The following PITPNM1 variants were observed in gnomAD, a reference collection of about 807,000 sequenced individuals.
PITPNM1 encodes the protein membrane-associated phosphatidylinositol transfer protein 1.
A neutral mutation model predicts 133.3 loss-of-function variants in PITPNM1; 74 were observed. The ratio of observed to expected loss-of-function variants is 0.56; its 90% CI spans 0.46 to 0.67. The LOEUF (loss-of-function observed/expected upper bound fraction) is 0.67, where lower values mean the gene tolerates loss of function less well. PITPNM1 is among the 30% of genes least tolerant of loss of function. PITPNM1 has a pLI of 0.00. For missense variants in PITPNM1, 1,398 were observed against 1,739.5 expected, an observed-to-expected ratio of 0.80 and a Z score of 3.49; for synonymous variants, 738 against 741.4, an observed-to-expected ratio of 1.00 and a Z score of 0.08.
chr11:67,493,961 G>A lies in PITPNM1; in HGVS notation c.2969C>T (p.Ala990Val), dbSNP rs764838275. 23 of 1,609,190 alleles carry A rather than the reference G, an allele frequency of 1.4e-5. No individual in the cohort carries two copies. In the South Asian group the frequency reaches 2.2e-4, roughly 15 times the overall value. ...RLTFPVPPER[A>V]LGIGVYPVRM... ...CACGGGGTAGACACCAATGCCCAGCGCGCGTTCTGGGGGAACTGGGAAGGT... is the reference window on the plus strand; with the variant it reads ...CACGGGGTAGACACCAATGCCCAGCACGCGTTCTGGGGGAACTGGGAAGGT... Residue 990 changes from alanine to valine, a missense_variant, in exon 20 of 24, where the codon GCG becomes GTG. This residue lies in a region of PITPNM1 where 233 missense variants were observed against 378.0 expected (regional missense o/e 0.62). Coordinates refer to ENST00000356404, the MANE Select transcript of PITPNM1 (RefSeq NM_004910.3).
chr11:67,495,751 C>A, intron 15 of PITPNM1, 149 bp from the exon 16 acceptor site: 1 of 768,294 alleles, frequency 1.3e-6, no homozygotes, highest in Non-Finnish European at 2.0e-6. Context: ...TCCTCTCAGC[C>A]CAGTGGCCAG....
chr11:67,500,072 C>A (rs886126993), intron 6 of PITPNM1, 23 bp downstream of exon 6: 3 of 1,601,462 alleles, frequency 1.9e-6, no homozygotes, highest in Non-Finnish European at 1.7e-6. Context: ...GCCGTTCCTC[C>A]CATCCCTGTG....
Position 67,502,776 on chromosome 11 carries a change from C to T in PITPNM1, c.79-58G>A. ...CAGCCCCAGCTTAGCATCTGGGATCCCCAGCTCAGCCTGGTGTTCTACACA... is the reference window on the plus strand; with the variant it reads ...CAGCCCCAGCTTAGCATCTGGGATCTCCAGCTCAGCCTGGTGTTCTACACA... On this transcript the variant is annotated intron_variant, in intron 2 of 23. Transcript: ENST00000356404. The surrounding 1 kb of genome is among the most constrained non-coding windows in gnomAD (Gnocchi z 5.9). 6.5e-7 allele frequency: 1 copy of T among 1,539,924 alleles called. No homozygotes were observed. The highest frequency in any genetic ancestry group is 8.9e-7 in the Non-Finnish European group (1 of 1,119,162).
intron 2 of PITPNM1, chr11:67,503,898 C>G: frequency 2.0e-6 from 1 of 494,614 alleles, no homozygotes; most frequent in Non-Finnish European, 3.6e-6. Flanking sequence ...TACAGGAGAT[C>G]AGAGGAGGGC....
At chr11:67,497,141 C>T in intron 14 of PITPNM1, 90 bp downstream of exon 14, 5 of 1,109,072 alleles carry the variant, frequency 4.5e-6, no homozygotes, top group East Asian at 2.6e-5. Context: ...GGAAGTTGCT[C>T]ATGCCTCGGA....
Position 67,497,579 on chromosome 11 carries a change from G to A in PITPNM1, c.1883C>T (p.Pro628Leu). 1 of 1,608,272 alleles carries A rather than the reference G, an allele frequency of 6.2e-7. No individual in the cohort carries two copies. The change falls in exon 13 of 24, where the codon CCT (proline) becomes CTT (leucine). Residue 628 changes from proline to leucine, a missense_variant. Transcript: ENST00000356404. ...CATGTCGCTGGGGATGCGCTGGGGAGGCAAGGCCGAGGGTTCTGGGCTGCC... is the reference window on the plus strand; with the variant it reads ...CATGTCGCTGGGGATGCGCTGGGGAAGCAAGGCCGAGGGTTCTGGGCTGCC... Reference protein sequence around the residue: ...GRGSPEPSALPPQRIPSDMAS... With the variant: ...GRGSPEPSALLPQRIPSDMAS...
At position 67,497,354 on chromosome 11, in the gene PITPNM1, C is replaced by G. The variant is rs562660609; in HGVS notation, c.2023G>C (p.Glu675Gln). Residue 675 changes from glutamate to glutamine, a missense_variant, in exon 14 of 24, where the codon GAG becomes CAG. Physicochemically the swap from Glu to Gln is conservative, Grantham distance 29 (BLOSUM62 2). Transcript: ENST00000356404. ...GTGCTGCTGGGGCCGTCAGGTGCCTCGGAACTGGCAGCGGGTGGGCAGAAG... is the reference window on the plus strand; with the variant it reads ...GTGCTGCTGGGGCCGTCAGGTGCCTGGGAACTGGCAGCGGGTGGGCAGAAG... ...TAFCPPAASS[E>Q]APDGPSSTAR... is the part of the protein sequence containing the mutation. 77 of 1,606,150 alleles carry G rather than the reference C, an allele frequency of 4.8e-5. No individual in the cohort carries two copies. In the South Asian group the frequency reaches 8.5e-4, roughly 18 times the overall value.
intron 16 of PITPNM1, 67 bp from the exon 17 acceptor site, chr11:67,495,292 G>T: frequency 6.6e-7 from 1 of 1,504,644 alleles, no homozygotes; most frequent in Non-Finnish European, 8.9e-7. Flanking sequence ...GGCGCTGGGT[G>T]CTCTTCCCTC....
chr11:67,506,219 G>A (rs1866511173), upstream of PITPNM1: 2 of 163,120 alleles, frequency 1.2e-5, no homozygotes, highest in Admixed American at 6.4e-5. Flanking sequence ...CGCCAATCCA[G>A]AGGAAGCGCC....
At chr11:67,495,300 C>A in intron 16 of PITPNM1, 75 bp from the exon 17 acceptor site, 2 of 1,493,246 alleles carry the variant, frequency 1.3e-6, no homozygotes, top group East Asian at 4.8e-5. Context: ...GTGCTCTTCC[C>A]TCCCCCCTTT....
Position 67,504,414 on chromosome 11 carries a change from T to G in PITPNM1, c.-41-193A>C. 1 of 191,074 alleles carries G rather than the reference T, an allele frequency of 5.2e-6. No homozygotes were observed. The highest frequency in any genetic ancestry group is 1.1e-5 in the Non-Finnish European group (1 of 93,738). 11.8% of individuals were successfully genotyped at this position (191,074 alleles called of 1,614,324 possible). A position where few individuals can be genotyped will look rare whatever the true frequency, so the allele number is the denominator to read the frequency against. On this transcript the variant is annotated intron_variant, in intron 1 of 23. Transcript: ENST00000356404. This position sits in a 1 kb window ranked among gnomAD's most constrained non-coding sequence, Gnocchi z 5.4. ...CAGCGAGGCTGAGCGCTGACCTCTT[T>G]TCCGCGCAGCCCCCGCCCCCCGCCC...
At chr11:67,501,237 T>A (rs1328351568) in intron 5 of PITPNM1, among the ~76,000 whole-genome samples, 4 of 152,200 alleles carry the variant, frequency 2.6e-5, no homozygotes, top group African/African-American at 9.7e-5. Flanking sequence ...GAAGAGAAAT[T>A]TAAAGTGCAG....
At position 67,495,149 on chromosome 11, in the gene PITPNM1, G is replaced by T. The variant is rs781344535; in HGVS notation, c.2559C>A (p.Thr853=). 11 of 1,612,404 alleles carry T rather than the reference G, an allele frequency of 6.8e-6. No homozygotes were observed. Among genetic ancestry groups the T allele is most frequent in the Non-Finnish European group, 9.3e-6 (11 of 1,179,870 alleles). Reference sequence around the variant, plus strand: ...CGTGGAAGAGGTGGGGCAGCGTGACGGTGGGAAAGGCGGTGAGCGCCTCGG... The same window carrying T: ...CGTGGAAGAGGTGGGGCAGCGTGACTGTGGGAAAGGCGGTGAGCGCCTCGG... ...YCPEALTAFP[T]VTLPHLFHAS... Residue 853 remains threonine, a synonymous_variant, in exon 17 of 24, where the codon ACC becomes ACA. Coordinates refer to ENST00000356404, the MANE Select transcript of PITPNM1 (RefSeq NM_004910.3).
Position 67,494,353 on chromosome 11 carries a change from G to A in PITPNM1, c.2750C>T (p.Thr917Ile). 1 of 1,604,082 alleles carries A rather than the reference G, an allele frequency of 6.2e-7. No individual in the cohort carries two copies. The highest frequency in any genetic ancestry group is 8.5e-7 in the Non-Finnish European group (1 of 1,175,532). ...CGTGTCGCTCGCCCGGTGGTTGGAA[G>A]TGACGTTCTAGAGGGAGGAGAGGGC... The part of the protein sequence containing the change: ...KRTQVKIRNV[T>I]SNHRASDTVV... Residue 917 changes from threonine (T) to isoleucine (I), a missense_variant, in exon 19 of 24, where the codon ACT (threonine) becomes ATT (isoleucine). This residue lies in a region of PITPNM1 where 233 missense variants were observed against 378.0 expected (regional missense o/e 0.62). Coordinates refer to ENST00000356404, the MANE Select transcript of PITPNM1 (RefSeq NM_004910.3).
intron 8 of PITPNM1, 159 bp downstream of exon 8, chr11:67,499,564 T>TCCAC (rs1866247164): frequency 1.4e-5 from 1 of 74,022 alleles, no homozygotes; most frequent in African/African-American, 1.2e-4. Flanking sequence ...CATCCACCCA[T>TCCAC]CCATCCATCC....
At chr11:67,503,814 G>A in intron 2 of PITPNM1, 1 of 328,514 alleles carries the variant, frequency 3.0e-6, no homozygotes, top group Non-Finnish European at 5.7e-6. Flanking sequence ...TGCCGCGGAG[G>A]CCCCCCTCCT....
At position 67,502,300 on chromosome 11, in the gene PITPNM1, C is replaced by T. The variant is rs760327436; in HGVS notation, c.407G>A (p.Arg136His). The change falls in exon 4 of 24, where the codon CGC (arginine) becomes CAC (histidine). Residue 136 changes from arginine (R) to histidine (H), a missense_variant. Arg to His is a conservative substitution (Grantham distance 29). Coordinates refer to ENST00000356404, the MANE Select transcript of PITPNM1 (RefSeq NM_004910.3). The surrounding 1 kb of genome is among the most constrained non-coding windows in gnomAD (Gnocchi z 5.9). ...FNLSGAERRQ[R>H]ILDTIDIVRD... ...ATAGCTCCAGGCCTCACCCAGGATG[C>T]GCTGTCTCCTCTCGGCCCCGCTCAG... 7.4e-6 allele frequency: 12 copies of T among 1,612,996 alleles called. No individual in the cohort carries two copies. Among genetic ancestry groups the T allele is most frequent in the South Asian group, 5.5e-5 (5 of 91,074 alleles).
chr11:67,494,797 T>A (rs1565188828), intron 18 of PITPNM1, 49 bp downstream of exon 18: 1 of 1,331,108 alleles, frequency 7.5e-7, no homozygotes, highest in Non-Finnish European at 1.1e-6. Context: ...CTCTGGTGAG[T>A]GGGCGAGAGT....
In PITPNM1 at chr11:67,498,298, C is replaced by T. The variant is rs1866199364; in HGVS notation, c.1509G>A (p.Gly503=). 3.1e-6 allele frequency: 5 copies of T among 1,591,616 alleles called. No individual in the cohort carries two copies. The highest frequency in any genetic ancestry group is 2.2e-5 in the East Asian group (1 of 44,560). ...GGTCTTGGGAGCGAGACAGGCTGTC[C>T]CCATCGTGGCTGTAAGGGCTCAGGC... is the stretch of plus-strand genomic sequence containing the variant. ...VSNLSPYSHD[G]DSLSRSQDHI... The change falls in exon 11 of 24, where the codon GGG becomes GGA. Residue 503 remains glycine, a synonymous_variant. Coordinates refer to ENST00000356404, the MANE Select transcript of PITPNM1 (RefSeq NM_004910.3). The surrounding 1 kb of genome is among the most constrained non-coding windows in gnomAD (Gnocchi z 5.7).
Sources: gnomAD v4.1 joint callset for allele counts (sites outside exome capture counted in the v4.1 genomes callset) on GRCh38, gnomAD v4.1.1 for gene constraint, gnomAD v4.1.1 regional missense constraint, Gnocchi (gnomAD v3.1) non-coding constraint, MANE v1.5 for transcripts, NCBI Gene and HGNC (gene_info 2026-07-23, HGNC 2026-07-21) for gene names.